SPRY3: variants seen among roughly 807,000 people sequenced by gnomAD.
SPRY3 encodes sprouty RTK signaling antagonist 3.
A neutral mutation model predicts 20.2 loss-of-function variants in SPRY3; 15 were observed. That is an observed-to-expected ratio of 0.74 (90% CI 0.50 to 1.14). The LOEUF (loss-of-function observed/expected upper bound fraction) is 1.14, where lower values mean the gene tolerates loss of function less well. Ranked by LOEUF, SPRY3 falls within the 50% of genes most tolerant of loss-of-function variation. The pLI, the probability that SPRY3 is intolerant of heterozygous loss-of-function variation, is 0.00. For missense variants in SPRY3, 364 were observed against 363.9 expected (o/e 1.00, Z 0.00); for synonymous variants, 143 against 136.5 (o/e 1.05, Z -0.33).
At chrX:155,622,089 G>A (rs1252299355) in intron 1 of SPRY3, among the ~76,000 whole-genome samples, 2 of 111,886 alleles carry the variant, frequency 1.8e-5, no homozygotes, top group Non-Finnish European at 3.8e-5. Context: ...ACCAACACCT[G>A]TGCTTGTCAG....
rs189960774 is a variant in SPRY3, at chrX:155,650,337, T to C, written c.-440-6530T>C. Among the ~76,000 whole-genome samples the C allele has an allele frequency of 1.3e-3, 143 of 112,032 alleles. 1 individual carries two copies. The highest frequency in any genetic ancestry group is 4.3e-3 in the African/African-American group (133 of 30,940). On this transcript the variant is annotated intron_variant, in intron 1 of 3. Coordinates refer to ENST00000675360, the Ensembl canonical transcript of SPRY3. ...AGCAAACAAAACTATGATATATTGT[T>C]ATAGTCCTTTAGTTCAGTGTGTTGT...
intron 2 of SPRY3, among the ~76,000 whole-genome samples, chrX:155,705,473 G>T (rs2090943851): frequency 6.6e-6 from 1 of 151,236 alleles, no homozygotes; most frequent in South Asian, 2.1e-4. Flanking sequence ...ATAACAAATA[G>T]AAAACAGCTA....
intron 2 of SPRY3, among the ~76,000 whole-genome samples, chrX:155,724,190 T>G (rs1215691494): frequency 2.6e-5 from 4 of 152,216 alleles, no homozygotes; most frequent in Non-Finnish European, 5.9e-5. Flanking sequence ...TACTGCAGTC[T>G]TGCAGTACAG....
chrX:155,764,577 G>A (rs1266896825), intron 2 of SPRY3, among the ~76,000 whole-genome samples: 1 of 152,054 alleles, frequency 6.6e-6, no homozygotes, highest in Non-Finnish European at 1.5e-5. Flanking sequence ...AGTATGCTAG[G>A]CCTTGGGGAT....
chrX:155,726,656 T>G (rs1322127897), intron 2 of SPRY3, among the ~76,000 whole-genome samples: 4 of 152,208 alleles, frequency 2.6e-5, no homozygotes, highest in African/African-American at 9.6e-5. Context: ...GCTTTTCTTT[T>G]GCTTTCCATT....
At chrX:155,766,961 A>G (rs1476832649) in intron 2 of SPRY3, among the ~76,000 whole-genome samples, 1 of 152,174 alleles carries the variant, frequency 6.6e-6, no homozygotes, top group Non-Finnish European at 1.5e-5. Context: ...CTTTCTCTTC[A>G]TCTTATTGAA....
intron 1 of SPRY3, among the ~76,000 whole-genome samples, chrX:155,617,534 A>G (rs1213307078): frequency 8.9e-6 from 1 of 111,960 alleles, no homozygotes; most frequent in East Asian, 2.8e-4. Context: ...ATCAAGAGCT[A>G]GATTCCAAGC....
At chrX:155,671,088 CT>C (rs2068039067) in intron 2 of SPRY3, among the ~76,000 whole-genome samples, 1 of 111,662 alleles carries the variant, frequency 9.0e-6, no homozygotes. Context: ...CCTTGTGAGG[CT>C]TTAGAAGGTG....
chrX:155,716,522 C>A (rs1165399063), intron 2 of SPRY3, among the ~76,000 whole-genome samples: 2 of 151,830 alleles, frequency 1.3e-5, no homozygotes, highest in Non-Finnish European at 2.9e-5. Flanking sequence ...TTCTTGAAAC[C>A]TAACTTTTTT....
chrX:155,738,525 G>T (rs1569392135), intron 2 of SPRY3, among the ~76,000 whole-genome samples: 1 of 152,122 alleles, frequency 6.6e-6, no homozygotes. Context: ...AGGGATCCAG[G>T]TTCTCACATT....
At chrX:155,685,772 CT>C (rs35543589) in intron 2 of SPRY3, among the ~76,000 whole-genome samples, 36,302 of 109,993 alleles carry the variant, frequency 0.33, 5,233 homozygotes, top group African/African-American at 0.54. Context: ...CATAGTATTC[CT>C]TTTTTTGTTT....
At chrX:155,735,642 G>T (rs1465048367) in intron 2 of SPRY3, among the ~76,000 whole-genome samples, 2 of 151,916 alleles carry the variant, frequency 1.3e-5, no homozygotes, top group Non-Finnish European at 2.9e-5. Flanking sequence ...GCTTTCTTTT[G>T]ATTGCTGACA....
Position 155,715,261 on chromosome X carries a change from G to A in SPRY3, c.-281-52701G>A, listed in dbSNP as rs188987612. ...TCCTGGGTATCACTGGTGGTTGTTC[G>A]TGGCCCAAGGGCTTTTTAGTCAGCA... On this transcript the variant is annotated intron_variant, in intron 2 of 3. Coordinates refer to ENST00000675360, the Ensembl canonical transcript of SPRY3. 3.8e-3 allele frequency among the ~76,000 whole-genome samples: 571 copies of A among 152,112 alleles called. 3 individuals are homozygous for A. The highest frequency in any genetic ancestry group is 0.013 in the African/African-American group (522 of 41,518).
At chrX:155,730,637 AC>A (rs1362062856) in intron 2 of SPRY3, among the ~76,000 whole-genome samples, 1 of 152,138 alleles carries the variant, frequency 6.6e-6, no homozygotes, top group African/African-American at 2.4e-5. Context: ...ACTGTTACTA[AC>A]GTAGCATTAG....
intron 2 of SPRY3, among the ~76,000 whole-genome samples, chrX:155,707,895 T>C (rs2090962040): frequency 6.6e-6 from 1 of 151,288 alleles, no homozygotes; most frequent in Non-Finnish European, 1.5e-5. Context: ...GATTAGAGTA[T>C]ATTATTTATT....
Position 155,704,070 on chromosome X carries a change from C to G in SPRY3, c.-282+47045C>G, listed in dbSNP as rs147259977. On this transcript the variant is annotated intron_variant, in intron 2 of 3. Transcript: ENST00000675360. ...GCATAAAATCTATTTACCTTGGTCT[C>G]TATTTCCTACCCAACTTATTCAACT... Among the ~76,000 whole-genome samples, 8 of 151,974 alleles carry G rather than the reference C, an allele frequency of 5.3e-5. No individual in the cohort carries two copies. In the East Asian group the frequency reaches 1.4e-3, roughly 26 times the overall value.
intron 1 of SPRY3, among the ~76,000 whole-genome samples, chrX:155,640,102 T>A (rs1454091137): frequency 9.0e-6 from 1 of 111,713 alleles, no homozygotes; most frequent in African/African-American, 3.3e-5. Flanking sequence ...TTATATACAG[T>A]TGACTTTCAG....
intron 2 of SPRY3, among the ~76,000 whole-genome samples, chrX:155,696,790 T>C (rs1488418083): frequency 8.9e-6 from 1 of 112,267 alleles, no homozygotes; most frequent in Non-Finnish European, 1.9e-5. Flanking sequence ...GATTTCACTT[T>C]CCTCAAAGAC....
At chrX:155,637,328 G>T (rs1379784121) in intron 1 of SPRY3, among the ~76,000 whole-genome samples, 3 of 111,116 alleles carry the variant, frequency 2.7e-5, no homozygotes, top group Non-Finnish European at 5.7e-5. Context: ...TAGTCTCTGA[G>T]ACTCAGGCCA....
Sources: allele counts gnomAD v4.1 joint callset (sites outside exome capture counted in the v4.1 genomes callset), GRCh38; gene constraint gnomAD v4.1.1; transcripts MANE v1.5; gene names NCBI Gene and HGNC (gene_info 2026-07-23, HGNC 2026-07-21).